FCHSD2: variants seen among roughly 807,000 people sequenced by gnomAD.
The protein encoded by FCHSD2 is F-BAR and double SH3 domains protein 2.
A neutral mutation model predicts 108.1 loss-of-function variants in FCHSD2; 38 were observed. That is an observed-to-expected ratio of 0.35 (90% CI 0.27 to 0.46). The LOEUF is 0.46. FCHSD2 is among the 20% of genes least tolerant of loss of function. The pLI is 1.00. For missense variants in FCHSD2, 751 were observed against 897.8 expected (o/e 0.84, Z 2.09); for synonymous variants, 279 against 314.7 (o/e 0.89, Z 1.20).
chr11:73,115,065 T>G (rs1860573056), intron 2 of FCHSD2, among the ~76,000 whole-genome samples: 2 of 152,222 alleles, frequency 1.3e-5, no homozygotes, highest in African/African-American at 4.8e-5. Context: ...CAATTTAGCC[T>G]GCAGTGGCAA....
chr11:72,861,417 G>C (rs984021511), intron 13 of FCHSD2, among the ~76,000 whole-genome samples: 1 of 150,298 alleles, frequency 6.7e-6, no homozygotes, highest in Non-Finnish European at 1.5e-5. Flanking sequence ...AAAACTCCAG[G>C]ACCAGATAAC....
At chr11:72,991,317 A>C (rs1233826813) in intron 5 of FCHSD2, among the ~76,000 whole-genome samples, 1 of 152,220 alleles carries the variant, frequency 6.6e-6, no homozygotes, top group East Asian at 1.9e-4. Context: ...TTCTGAAACT[A>C]TTCCAATCAA....
chr11:73,005,867 C>T (rs1420865457), intron 4 of FCHSD2, among the ~76,000 whole-genome samples: 1 of 142,332 alleles, frequency 7.0e-6, no homozygotes, highest in African/African-American at 2.6e-5. Context: ...GGTCTCATGG[C>T]TTTAAAGAGT....
At chr11:72,840,135 C>T (rs937068811) in intron 19 of FCHSD2, among the ~76,000 whole-genome samples, 9 of 152,308 alleles carry the variant, frequency 5.9e-5, no homozygotes, top group African/African-American at 1.2e-4. Context: ...TCCATCCATC[C>T]GCCTCTTAGC....
chr11:72,973,603 T>C (rs1393210293), intron 8 of FCHSD2, among the ~76,000 whole-genome samples: 1 of 152,158 alleles, frequency 6.6e-6, no homozygotes, highest in South Asian at 2.1e-4. Flanking sequence ...CTGTTGAACA[T>C]AAGGGAGATG....
intron 8 of FCHSD2, among the ~76,000 whole-genome samples, chr11:72,957,414 T>C (rs1856735375): frequency 6.6e-6 from 1 of 151,472 alleles, no homozygotes; most frequent in Admixed American, 6.6e-5. Flanking sequence ...GTGCCACATT[T>C]TCTTAATCCA....
At chr11:72,993,239 C>A (rs1591465998) in intron 5 of FCHSD2, among the ~76,000 whole-genome samples, 1 of 151,888 alleles carries the variant, frequency 6.6e-6, no homozygotes, top group Admixed American at 6.6e-5. Context: ...GAATGGCGAT[C>A]ATTAGAAAGT....
rs987500237 is a variant in FCHSD2 at position 72,908,248 on chromosome 11, T to C, written c.829-5610A>G. ...CATGGCTGAATAATACTCCATTGTG[T>C]ATATATACCACATTTTCTCTATCCG... On this transcript the variant is annotated intron_variant, in intron 9 of 19. Transcript: ENST00000409418. Among the ~76,000 whole-genome samples the C allele has an allele frequency of 2.0e-5, 3 of 152,218 alleles. 1 individual carries two copies. In the South Asian group the frequency reaches 6.2e-4, roughly 31 times the overall value.
Position 72,842,709 on chromosome 11 carries a change from T to C in FCHSD2, c.1838A>G (p.Asn613Ser), listed in dbSNP as rs766081890. Reference sequence around the variant, plus strand: ...CGATGGGAAAACTCCAATACGCCCATTGAATTCCCCTTCCCAGAAGCCATC... The same window carrying C: ...CGATGGGAAAACTCCAATACGCCCACTGAATTCCCCTTCCCAGAAGCCATC... ...DDDGFWEGEFNGRIGVFPSVL... is the reference protein window; with the variant it reads ...DDDGFWEGEFSGRIGVFPSVL... Residue 613 changes from asparagine to serine, a missense_variant, in exon 17 of 20, where the codon AAT (asparagine) becomes AGT (serine). Transcript: ENST00000409418. 1.1e-5 allele frequency: 18 copies of C among 1,613,928 alleles called. No individual in the cohort carries two copies. Among genetic ancestry groups the C allele is most frequent in the South Asian group, 5.5e-5 (5 of 91,092 alleles).
At chr11:72,973,210 A>T (rs1353940893) in intron 8 of FCHSD2, among the ~76,000 whole-genome samples, 2 of 152,146 alleles carry the variant, frequency 1.3e-5, no homozygotes, top group African/African-American at 4.8e-5. Context: ...TCTACTAAAA[A>T]TACAAAATTA....
At chr11:73,042,252 A>G (rs1210244274) in intron 3 of FCHSD2, among the ~76,000 whole-genome samples, 1 of 152,098 alleles carries the variant, frequency 6.6e-6, no homozygotes, top group Non-Finnish European at 1.5e-5. Context: ...CTGGTGAAAG[A>G]CAGGGGTCAT....
intron 2 of FCHSD2, among the ~76,000 whole-genome samples, chr11:73,095,993 A>C (rs1226318833): frequency 6.6e-6 from 1 of 152,104 alleles, no homozygotes; most frequent in Non-Finnish European, 1.5e-5. Context: ...AGCTACCAAC[A>C]TCTAATATCC....
intron 3 of FCHSD2, among the ~76,000 whole-genome samples, chr11:73,040,375 C>T (rs1321533285): frequency 2.0e-5 from 3 of 152,136 alleles, no homozygotes; most frequent in Non-Finnish European, 4.4e-5. Flanking sequence ...ATTAAGGGCA[C>T]TATTACAATA....
In FCHSD2 at chr11:72,843,232, C is replaced by T. The variant is rs1317887135; in HGVS notation, c.1624G>A (p.Ala542Thr). The T allele has an allele frequency of 7.4e-6, 12 of 1,613,984 alleles. No homozygotes were observed. The highest frequency in any genetic ancestry group is 1.6e-4 in the Middle Eastern group (1 of 6,062). Residue 542 changes from alanine to threonine, a missense_variant, in exon 16 of 20, where the codon GCT (alanine) becomes ACT (threonine). Physicochemically the swap from Ala to Thr is moderately conservative, Grantham distance 58. Transcript: ENST00000409418. ...GACGTGTGTGACCGACTGTCCAAAG[C>T]GGCCAGGGACTGCAGCATGCTCAGG... The part of the protein sequence containing the change: ...SLLSMLQSLA[A>T]LDSRSHTSSN...
chr11:73,005,820 AGAT>A (rs1432658977), intron 4 of FCHSD2, among the ~76,000 whole-genome samples: 4 of 151,538 alleles, frequency 2.6e-5, no homozygotes, highest in African/African-American at 9.7e-5. Flanking sequence ...TTCACTCTTT[AGAT>A]GATCTCATTC....
At chr11:73,079,972 A>C (rs776781584) in intron 3 of FCHSD2, among the ~76,000 whole-genome samples, 3 of 152,200 alleles carry the variant, frequency 2.0e-5, no homozygotes, top group Non-Finnish European at 4.4e-5. Flanking sequence ...TGTATAAACA[A>C]AACTAGTTAT....
chr11:72,853,570 A>G (rs1234165234), intron 13 of FCHSD2, among the ~76,000 whole-genome samples: 1 of 152,106 alleles, frequency 6.6e-6, no homozygotes, highest in Non-Finnish European at 1.5e-5. Flanking sequence ...GCATGCCACC[A>G]CACCCGGCTA....
chr11:72,984,052 G>A, intron 8 of FCHSD2, 36 bp downstream of exon 8: 1 of 1,559,398 alleles, frequency 6.4e-7, no homozygotes, highest in Non-Finnish European at 8.8e-7. Context: ...TGTTTTCAAT[G>A]AAGTAAAATT....
At chr11:73,043,338 T>C (rs1337217111) in intron 3 of FCHSD2, among the ~76,000 whole-genome samples, 3 of 152,220 alleles carry the variant, frequency 2.0e-5, no homozygotes, top group Non-Finnish European at 4.4e-5. Context: ...ATATTATCAG[T>C]TTCCATAAGC....
Sources: gnomAD v4.1 joint callset for allele counts (sites outside exome capture counted in the v4.1 genomes callset) on GRCh38, gnomAD v4.1.1 for gene constraint, MANE v1.5 for transcripts, NCBI Gene and HGNC (gene_info 2026-07-23, HGNC 2026-07-21) for gene names.